Variants in GRAMD1B observed in about 807,000 individuals in gnomAD.
GRAMD1B encodes GRAM domain containing 1B, also known as protein Aster-B.
A neutral mutation model predicts 99.7 loss-of-function variants in GRAMD1B; 37 were observed. The ratio of observed to expected loss-of-function variants is 0.37; its 90% confidence interval spans 0.29 to 0.49. The LOEUF (loss-of-function observed/expected upper bound fraction) is 0.49. Among genes scored for constraint, GRAMD1B ranks in the 20% least tolerant of loss-of-function variants. The pLI is 0.98. For missense variants in GRAMD1B, 888 were observed against 1,009.2 expected, an observed-to-expected ratio of 0.88 and a Z score of 1.63; for synonymous variants, 427 against 387.6, an observed-to-expected ratio of 1.10 and a Z score of -1.19.
chr11:123,419,633 C>CAAA (rs1948351606), intron 1 of GRAMD1B, among the ~76,000 whole-genome samples: 2 of 150,622 alleles, frequency 1.3e-5, no homozygotes, highest in Non-Finnish European at 3.0e-5. Flanking sequence ...TCTCTTAAAA[C>CAAA]AACAACAACA....
At chr11:123,550,079 C>T (rs1220813956) in intron 2 of GRAMD1B, among the ~76,000 whole-genome samples, 1 of 152,198 alleles carries the variant, frequency 6.6e-6, no homozygotes. Flanking sequence ...TACCTCCGTG[C>T]CATCCTATGG....
chr11:123,379,872 T>C (rs1365665903), intron 1 of GRAMD1B, among the ~76,000 whole-genome samples: 1 of 152,226 alleles, frequency 6.6e-6, no homozygotes, highest in Non-Finnish European at 1.5e-5. Flanking sequence ...TCTTTTATGT[T>C]ATAACCATCC....
Position 123,492,229 on chromosome 11 carries a change from C to A in GRAMD1B, c.452+11336C>A, listed in dbSNP as rs1268670192. Reference sequence around the variant, plus strand: ...TACTTTTCTCCTTTATGATAAGTTGCTCCAGTCCATAAAGAACTTGGAAAT... The same window carrying A: ...TACTTTTCTCCTTTATGATAAGTTGATCCAGTCCATAAAGAACTTGGAAAT... On this transcript the variant is annotated intron_variant, in intron 2 of 19. Coordinates refer to ENST00000635736, the MANE Select transcript of GRAMD1B (RefSeq NM_001387025.1). The surrounding 1 kb of genome is among the most constrained non-coding windows in gnomAD (Gnocchi z 4.2). Among the ~76,000 whole-genome samples, 1 of 152,094 alleles carries A rather than the reference C, an allele frequency of 6.6e-6. No homozygotes were observed. The highest frequency in any genetic ancestry group is 1.5e-5 in the Non-Finnish European group (1 of 68,022).
rs1172909202 is a variant in GRAMD1B, at chr11:123,430,914, G to A, written c.122G>A (p.Arg41Gln). The A allele has an allele frequency of 7.1e-6, 5 of 702,720 alleles. No individual in the cohort carries two copies. The highest frequency in any genetic ancestry group is 1.5e-5 in the South Asian group (1 of 67,600). The allele number at this position is 702,720 out of a possible 1,614,324, so 43.5% of individuals were successfully genotyped here. A position where few individuals can be genotyped will look rare whatever the true frequency, so the allele number is the denominator to read the frequency against. The change falls in exon 1 of 20, where the codon CGG becomes CAG. Residue 41 changes from arginine to glutamine, a missense_variant. Physicochemically the swap from Arg to Gln is conservative, Grantham distance 43. Around this residue, in one of 5 missense-constraint regions of GRAMD1B, gnomAD observed 233 missense variants for 154.6 expected, o/e 1.51. Coordinates refer to ENST00000635736, the MANE Select transcript of GRAMD1B (RefSeq NM_001387025.1). ...TCGTCGACCCCCACGCTTCGCCGCC[G>A]GCGCTTCAAGATGCGCCGCATGAAG... Reference protein sequence around the residue: ...SSSSTPTLRRRRFKMRRMKNV... With the variant: ...SSSSTPTLRRQRFKMRRMKNV...
At position 123,605,026 on chromosome 11, in the gene GRAMD1B, A is replaced by C. The variant is rs192389985; in HGVS notation, c.1167-296A>C. 1.1e-3 allele frequency among the ~76,000 whole-genome samples: 171 copies of C among 152,004 alleles called. No homozygotes were observed. The Middle Eastern group carries it at 0.024, about 21-fold the overall frequency. ...GCACCCATGGAAAAAAAATAGCTTA[A>C]GACAAATAATCCTTTCAGTTAGGTA... is the stretch of plus-strand genomic sequence containing the variant. On this transcript the variant is annotated intron_variant, in intron 9 of 19. Transcript: ENST00000635736.
At chr11:123,520,010 C>G (rs2846303) in intron 2 of GRAMD1B, among the ~76,000 whole-genome samples, 28 of 152,238 alleles carry the variant, frequency 1.8e-4, no homozygotes, top group Non-Finnish European at 3.5e-4. Flanking sequence ...GCAGCATGCT[C>G]TGGTGACCTC....
chr11:123,554,067 G>A (rs1945898662), intron 2 of GRAMD1B, among the ~76,000 whole-genome samples: 1 of 152,170 alleles, frequency 6.6e-6, no homozygotes, highest in African/African-American at 2.4e-5. Context: ...GGGCAGCACT[G>A]CAGAATCTTG....
chr11:123,371,445 G>A (rs1471038909), intron 1 of GRAMD1B, among the ~76,000 whole-genome samples: 1 of 152,184 alleles, frequency 6.6e-6, no homozygotes, highest in African/African-American at 2.4e-5. Context: ...TTTTTTTAAA[G>A]GTTGAGTTAT....
At chr11:123,429,163 A>AG (rs1181045237), upstream of GRAMD1B, among the ~76,000 whole-genome samples, 4 of 152,184 alleles carry the variant, frequency 2.6e-5, no homozygotes, top group Non-Finnish European at 4.4e-5. The surrounding 1 kb of genome is among the most constrained non-coding windows in gnomAD (Gnocchi z 4.0). Flanking sequence ...ACTGCACTCC[A>AG]GCCTGGGCAA....
chr11:123,443,999 T>TATTATGTAG lies in GRAMD1B; in HGVS notation c.374+12836_374+12844dup, dbSNP rs539144412. ...AAGGGGTTGTGGAGACCAAAGTTCT[T>TATTATGTAG]ATTATGTAGATGAAGTCTCCCACAT... On this transcript the variant is annotated intron_variant, in intron 1 of 19. Transcript: ENST00000635736. Among the ~76,000 whole-genome samples the TATTATGTAG allele has an allele frequency of 2.1e-4, 32 of 152,172 alleles. No homozygotes were observed. The East Asian group carries it at 6.0e-3, about 29-fold the overall frequency.
intron 1 of GRAMD1B, among the ~76,000 whole-genome samples, chr11:123,402,286 G>C (rs967268234): frequency 2.0e-5 from 3 of 152,148 alleles, no homozygotes; most frequent in Non-Finnish European, 4.4e-5. Flanking sequence ...CAAAGTGCTG[G>C]GATTACAGGT....
At chr11:123,575,068 G>A (rs1324331233) in intron 2 of GRAMD1B, among the ~76,000 whole-genome samples, 1 of 135,220 alleles carries the variant, frequency 7.4e-6, no homozygotes, top group Non-Finnish European at 1.6e-5. Context: ...TCTTTGCATG[G>A]TGTGTGTAGA....
At position 123,610,018 on chromosome 11, in the gene GRAMD1B, C is replaced by A; in HGVS notation, c.1776+105C>A. ...GGAAGAAGTTTCAGGGCGCAAGTGT[C>A]ATTTTGCCCCAAAGCGGTGGTGGCG... On this transcript the variant is annotated intron_variant, in intron 13 of 19. Transcript: ENST00000635736. The surrounding 1 kb of genome is among the most constrained non-coding windows in gnomAD (Gnocchi z 4.1). The A allele has an allele frequency of 1.2e-6, 1 of 825,388 alleles. No individual in the cohort carries two copies. The allele number at this position is 825,388 out of a possible 1,614,324, so 51.1% of individuals were successfully genotyped here. A position where few individuals can be genotyped will look rare whatever the true frequency, so the allele number is the denominator to read the frequency against.
chr11:123,429,762 G>A (rs1948782132), upstream of GRAMD1B, among the ~76,000 whole-genome samples: 1 of 152,124 alleles, frequency 6.6e-6, no homozygotes, highest in Admixed American at 6.5e-5. This position sits in a 1 kb window ranked among gnomAD's most constrained non-coding sequence, Gnocchi z 4.0. Flanking sequence ...CGCCACGGGA[G>A]AACTGTCCTC....
chr11:123,425,886 C>A (rs1476043544), upstream of GRAMD1B, among the ~76,000 whole-genome samples: 1 of 152,160 alleles, frequency 6.6e-6, no homozygotes, highest in South Asian at 2.1e-4. Flanking sequence ...AGGGAGGACT[C>A]GTGAAAGAAA....
chr11:123,402,709 C>T (rs1947710740), intron 1 of GRAMD1B, among the ~76,000 whole-genome samples: 1 of 152,174 alleles, frequency 6.6e-6, no homozygotes, highest in South Asian at 2.1e-4. Context: ...ACAATTGTAA[C>T]CCTTGTAGCT....
intron 3 of GRAMD1B, chr11:123,578,265 C>A (rs1228671573): frequency 1.5e-6 from 1 of 649,630 alleles, no homozygotes. Context: ...CACCCTGGGA[C>A]CCCCAGGGCC....
intron 2 of GRAMD1B, among the ~76,000 whole-genome samples, chr11:123,524,210 C>T (rs759837548): frequency 1.3e-5 from 2 of 152,130 alleles, no homozygotes; most frequent in Non-Finnish European, 2.9e-5. Flanking sequence ...CTGAATGACA[C>T]ACAGTCCTTG....
intron 1 of GRAMD1B, among the ~76,000 whole-genome samples, chr11:123,453,673 T>C (rs1215876814): frequency 3.9e-5 from 6 of 152,188 alleles, no homozygotes; most frequent in African/African-American, 1.2e-4. Context: ...CTAAGTACTT[T>C]TTGGTCCTGG....
Sources: allele counts gnomAD v4.1 joint callset (sites outside exome capture counted in the v4.1 genomes callset), GRCh38; gene constraint gnomAD v4.1.1; regional missense constraint gnomAD v4.1.1; non-coding constraint Gnocchi (gnomAD v3.1); transcripts MANE v1.5; gene names NCBI Gene and HGNC (gene_info 2026-07-23, HGNC 2026-07-21).